Variants in ZNF713 observed in about 807,000 individuals in gnomAD.
ZNF713 encodes the protein zinc finger protein 713.
ZNF713 carries 21 observed loss-of-function variants against 28.7 expected under a neutral mutation model. The observed-to-expected ratio is 0.73, with a 90% CI of 0.52 to 1.05. The LOEUF is 1.05. Among genes scored for constraint, ZNF713 ranks in the 50% least tolerant of loss-of-function variants. The pLI, the probability that ZNF713 is intolerant of heterozygous loss-of-function variation, is 0.00. For missense variants in ZNF713, 458 were observed against 532.4 expected (o/e 0.86, Z 1.37); for synonymous variants, 167 against 178.0 (o/e 0.94, Z 0.49).
At chr7:55,925,154 G>T (rs1389831754) in intron 6 of ZNF713, among the ~76,000 whole-genome samples, 1 of 152,148 alleles carries the variant, frequency 6.6e-6, no homozygotes, top group East Asian at 1.9e-4. Context: ...TCTGGTCCAT[G>T]ACACCAGGTG....
intron 1 of ZNF713, among the ~76,000 whole-genome samples, chr7:55,906,008 A>G (rs1478565573): frequency 6.6e-6 from 1 of 151,958 alleles, no homozygotes; most frequent in Non-Finnish European, 1.5e-5. Context: ...AGGCTGAGGC[A>G]GAAAAATCAC....
chr7:55,902,358 A>G (rs1785595313), intron 1 of ZNF713, among the ~76,000 whole-genome samples: 2 of 152,264 alleles, frequency 1.3e-5, no homozygotes, highest in Non-Finnish European at 2.9e-5. Context: ...TGGTAAGTAT[A>G]CAAGAGCACT....
At position 55,940,075 on chromosome 7, in the gene ZNF713, T is replaced by C; in HGVS notation, c.*69T>C. On this transcript the variant is annotated 3_prime_UTR_variant, in exon 7 of 7. Transcript: ENST00000429591. ...TTTTTGGTCAGACCTTTTTATCCCA[T>C]TCAATATCAAATTATTCATAGTGGA... is the stretch of plus-strand genomic sequence containing the variant. 1 of 1,493,872 alleles carries C rather than the reference T, an allele frequency of 6.7e-7. No individual in the cohort carries two copies. The highest frequency in any genetic ancestry group is 8.9e-7 in the Non-Finnish European group (1 of 1,126,540). 92.5% of individuals were successfully genotyped at this position (1,493,872 alleles called of 1,614,324 possible).
chr7:55,923,598 T>G lies in ZNF713; in HGVS notation c.215-9T>G. 1 of 1,585,526 alleles carries G rather than the reference T, an allele frequency of 6.3e-7. No individual in the cohort carries two copies. The highest frequency in any genetic ancestry group is 8.6e-7 in the Non-Finnish European group (1 of 1,164,190). On this transcript the variant is annotated splice_polypyrimidine_tract_variant and intron_variant, in intron 5 of 6. Transcript: ENST00000429591. Reference sequence around the variant, plus strand: ...AAACTCCTAAGATGTATGTTACTCCTGTGAATAGGGTATCAGCTTTGTAAG... The same window carrying G: ...AAACTCCTAAGATGTATGTTACTCCGGTGAATAGGGTATCAGCTTTGTAAG...
chr7:55,933,503 G>A (rs554749620), intron 6 of ZNF713, among the ~76,000 whole-genome samples: 2 of 151,996 alleles, frequency 1.3e-5, no homozygotes, highest in East Asian at 3.9e-4. Flanking sequence ...CACTATGTTG[G>A]CCAGGCTGAT....
intron 3 of ZNF713, 131 bp from the exon 4 acceptor site, chr7:55,912,504 G>A (rs1785802807): frequency 6.4e-6 from 4 of 621,326 alleles, no homozygotes; most frequent in Admixed American, 5.5e-5. Context: ...GAGTAGAGAC[G>A]TCACAACCTT....
rs372697698 is a variant in ZNF713, at chr7:55,939,741, C to G, written c.1067C>G (p.Ser356Cys). ...QCGKAFSRITSLTEHHRLHTG... is the reference protein window; with the variant it reads ...QCGKAFSRITCLTEHHRLHTG... The stretch of plus-strand genomic sequence containing the variant: ...GGTAAAGCTTTTAGCCGCATCACAT[C>G]CCTTACTGAACATCATAGACTTCAT... Residue 356 changes from serine (S) to cysteine (C), a missense_variant, in exon 7 of 7, where the codon TCC becomes TGC. Coordinates refer to ENST00000429591, the MANE Select transcript of ZNF713 (RefSeq NM_182633.3). 11 of 1,614,186 alleles carry G rather than the reference C, an allele frequency of 6.8e-6. No homozygotes were observed.
intron 4 of ZNF713, among the ~76,000 whole-genome samples, chr7:55,916,116 C>A (rs763602857): frequency 5.9e-5 from 9 of 152,186 alleles, no homozygotes; most frequent in Non-Finnish European, 1.2e-4. Flanking sequence ...GGAAATGGCA[C>A]TATTGGTAAT....
intron 4 of ZNF713, among the ~76,000 whole-genome samples, chr7:55,919,352 A>G (rs1423149460): frequency 6.6e-6 from 1 of 152,174 alleles, no homozygotes; most frequent in African/African-American, 2.4e-5. Context: ...CTTAAACGCA[A>G]GGTTTCTAAG....
intron 4 of ZNF713, among the ~76,000 whole-genome samples, chr7:55,921,922 T>C (rs1785998779): frequency 6.6e-6 from 1 of 152,078 alleles, no homozygotes; most frequent in Admixed American, 6.6e-5. Context: ...TTGCTGTCTT[T>C]TGTTTGTTTG....
intron 4 of ZNF713, among the ~76,000 whole-genome samples, chr7:55,921,348 A>G (rs1053717186): frequency 6.6e-6 from 1 of 152,196 alleles, no homozygotes; most frequent in African/African-American, 2.4e-5. Flanking sequence ...TTGACTTTCA[A>G]GTCTTATTAT....
intron 1 of ZNF713, among the ~76,000 whole-genome samples, chr7:55,901,983 G>A (rs1226466465): frequency 6.6e-6 from 1 of 152,184 alleles, no homozygotes; most frequent in African/African-American, 2.4e-5. Context: ...CCTGAGGTAA[G>A]GAGTTCGAGA....
intron 4 of ZNF713, among the ~76,000 whole-genome samples, chr7:55,919,967 C>T (rs1198437880): frequency 6.6e-6 from 1 of 152,078 alleles, no homozygotes. Context: ...TGTAAAACAG[C>T]AACCTTAATT....
chr7:55,911,335 G>A (rs1476625319), intron 2 of ZNF713, among the ~76,000 whole-genome samples: 1 of 152,206 alleles, frequency 6.6e-6, no homozygotes, highest in African/African-American at 2.4e-5. Context: ...AAAGAAAACA[G>A]TCATTGTTTC....
intron 4 of ZNF713, among the ~76,000 whole-genome samples, chr7:55,917,704 C>CAAAA (rs59443993): frequency 8.1e-6 from 1 of 123,196 alleles, no homozygotes. Flanking sequence ...GACCCTGTCT[C>CAAAA]AAAAAAAAAA....
intron 2 of ZNF713, among the ~76,000 whole-genome samples, chr7:55,910,251 G>A (rs765532168): frequency 2.0e-5 from 3 of 152,092 alleles, no homozygotes; most frequent in Non-Finnish European, 2.9e-5. Flanking sequence ...GAGATCATTT[G>A]ACTTACTGTT....
Position 55,908,264 on chromosome 7 carries a change from T to C in ZNF713, c.-456+1885T>C, listed in dbSNP as rs545851079. Among the ~76,000 whole-genome samples, 7 of 151,278 alleles carry C rather than the reference T, an allele frequency of 4.6e-5. No homozygotes were observed. In the Admixed American group the frequency reaches 4.6e-4, roughly 10 times the overall value. ...CTTAAGCGATTCTCCTGCCTCAGCC[T>C]TCTGAATAGCTGGGATTACAGGCAT... On this transcript the variant is annotated intron_variant, in intron 2 of 6. Coordinates refer to ENST00000429591, the MANE Select transcript of ZNF713 (RefSeq NM_182633.3).
Position 55,923,734 on chromosome 7 carries a change from A to G in ZNF713, c.307+35A>G, listed in dbSNP as rs774098191. ...CACTCTTGGGCACTGCTACTTAATG[A>G]GGGAAAACAGCCACTTCTGAACCAC... On this transcript the variant is annotated intron_variant, in intron 6 of 6. Transcript: ENST00000429591. The G allele has an allele frequency of 2.6e-6, 4 of 1,557,036 alleles. No individual in the cohort carries two copies. In the African/African-American group the frequency reaches 5.4e-5, roughly 21 times the overall value.
chr7:55,902,620 A>G (rs1417773816), intron 1 of ZNF713, among the ~76,000 whole-genome samples: 2 of 152,100 alleles, frequency 1.3e-5, no homozygotes, highest in East Asian at 1.9e-4. Flanking sequence ...ATATCTCTCC[A>G]TTTTTGCCCT....
Sources: gnomAD v4.1 joint callset for allele counts (sites outside exome capture counted in the v4.1 genomes callset) on GRCh38, gnomAD v4.1.1 for gene constraint, MANE v1.5 for transcripts, NCBI Gene and HGNC (gene_info 2026-07-23, HGNC 2026-07-21) for gene names.